The following NKIRAS2 variants were observed in gnomAD, a reference collection of about 807,000 sequenced individuals.
The protein encoded by NKIRAS2 is NF-kappa-B inhibitor-interacting Ras-like protein 2.
A neutral mutation model predicts 20.7 loss-of-function variants in NKIRAS2; 15 were observed. The observed-to-expected ratio is 0.73, with a 90% CI of 0.49 to 1.12. The LOEUF is 1.12. Ranked by LOEUF, NKIRAS2 falls within the 50% of genes most tolerant of loss-of-function variation. The pLI is 0.00. For missense variants in NKIRAS2, 196 were observed against 249.6 expected, an observed-to-expected ratio of 0.79 and a Z score of 1.45; for synonymous variants, 116 against 101.4, an observed-to-expected ratio of 1.14 and a Z score of -0.87.
chr17:42,017,660 G>A (rs1415978092), upstream of NKIRAS2: 7 of 586,870 alleles, frequency 1.2e-5, no homozygotes, highest in South Asian at 2.0e-5. Flanking sequence ...CCGTGGGTGG[G>A]AAGGCGGGGT....
intron 3 of NKIRAS2, chr17:42,022,938 C>G (rs1290966152): frequency 5.8e-6 from 2 of 347,618 alleles, no homozygotes; most frequent in South Asian, 7.2e-5. Flanking sequence ...TGTATGAAGT[C>G]CCCACATAGT....
upstream of NKIRAS2, chr17:42,017,651 C>T (rs975515854): frequency 3.1e-5 from 18 of 581,096 alleles, no homozygotes; most frequent in Non-Finnish European, 5.5e-5. Context: ...CCACTTTACC[C>T]GTGGGTGGGA....
chr17:42,020,733 G>A (rs1385173458), intron 1 of NKIRAS2: 2 of 152,188 alleles, frequency 1.3e-5, no homozygotes, highest in Non-Finnish European at 2.9e-5. Context: ...AGTCGTACAG[G>A]AAAGCAGATT....
intron 1 of NKIRAS2, 111 bp from the exon 2 acceptor site, chr17:42,021,453 T>G: frequency 1.2e-6 from 1 of 817,316 alleles, no homozygotes; most frequent in Admixed American, 1.9e-5. Flanking sequence ...ACGTTCTGCC[T>G]TCTGTTTTTT....
chr17:42,023,506 C>G, intron 3 of NKIRAS2, 148 bp from the exon 4 acceptor site: 1 of 736,132 alleles, frequency 1.4e-6, no homozygotes, highest in Non-Finnish European at 2.2e-6. Flanking sequence ...TCTCCTTCCC[C>G]ACAATGAGTG....
chr17:42,018,262 GAC>G (rs1410731132), upstream of NKIRAS2, among the ~76,000 whole-genome samples: 14 of 152,106 alleles, frequency 9.2e-5, no homozygotes, highest in African/African-American at 3.4e-4. Flanking sequence ...ATTCATAGGG[GAC>G]AAGGGCACAG....
At chr17:42,018,395 G>C (rs1041118858), upstream of NKIRAS2, 1 of 152,182 alleles carries the variant, frequency 6.6e-6, no homozygotes, top group African/African-American at 2.4e-5. Context: ...GTAAAGCTAA[G>C]AGTAAAATAA....
chr17:42,021,979 G>A (rs782692105), intron 2 of NKIRAS2: 30 of 588,282 alleles, frequency 5.1e-5, no homozygotes, highest in Non-Finnish European at 8.2e-5. Context: ...GGAGGCTGAG[G>A]CGGGTGGATC....
In NKIRAS2 at chr17:42,023,620, A is replaced by G. The variant is rs537740388; in HGVS notation, c.337-34A>G. 7 of 1,598,536 alleles carry G rather than the reference A, an allele frequency of 4.4e-6. No individual in the cohort carries two copies. The South Asian group carries it at 7.8e-5, about 18-fold the overall frequency. On this transcript the variant is annotated intron_variant, in intron 3 of 3. Transcript: ENST00000393885. ...ATGTCCATTCCTGGTTCTATGGTAC[A>G]TTCACAGGCCTATGCTCTGTCCCTC...
In NKIRAS2 at chr17:42,023,673, G is replaced by A; in HGVS notation, c.356G>A (p.Gly119Asp). Reference sequence around the variant, plus strand: ...CCCCAGGTCACCATCGTGGTCCTTGGCAACAAGTGTGACTTACAGGAGCAG... The same window carrying A: ...CCCCAGGTCACCATCGTGGTCCTTGACAACAAGTGTGACTTACAGGAGCAG... ...DKKEVTIVVL[G>D]NKCDLQEQRR... The change falls in exon 4 of 4, where the codon GGC (glycine) becomes GAC (aspartate). Residue 119 changes from glycine (G) to aspartate (D), a missense_variant. Physicochemically the swap from Gly to Asp is moderately conservative, Grantham distance 94. Coordinates refer to ENST00000393885, the MANE Select transcript of NKIRAS2 (RefSeq NM_017595.6). The A allele has an allele frequency of 1.2e-6, 2 of 1,614,174 alleles. No individual in the cohort carries two copies. The highest frequency in any genetic ancestry group is 1.7e-6 in the Non-Finnish European group (2 of 1,180,026).
rs1555653631 is a variant in NKIRAS2, at chr17:42,023,849, C to T, written c.532C>T (p.Pro178Ser). The part of the protein sequence containing the change: ...MTQPQSKSAF[P>S]LSRKNKGSGS... ...GCAACCCCAGAGCAAGTCTGCCTTC[C>T]CCCTCAGCCGGAAGAACAAGGGCAG... Residue 178 changes from proline to serine, a missense_variant, in exon 4 of 4, where the codon CCC becomes TCC. Transcript: ENST00000393885. 1 of 1,614,206 alleles carries T rather than the reference C, an allele frequency of 6.2e-7. No homozygotes were observed. Among genetic ancestry groups the T allele is most frequent in the South Asian group, 1.1e-5 (1 of 91,088 alleles).
Position 42,021,588 on chromosome 17 carries a change from G to C in NKIRAS2, c.11G>C (p.Ser4Thr), listed in dbSNP as rs1430792207. 1 of 1,614,052 alleles carries C rather than the reference G, an allele frequency of 6.2e-7. No homozygotes were observed. The highest frequency in any genetic ancestry group is 8.5e-7 in the Non-Finnish European group (1 of 1,180,032). The change falls in exon 2 of 4, where the codon AGC becomes ACC. Residue 4 changes from serine (S) to threonine (T), a missense_variant. Physicochemically the swap from Ser to Thr is moderately conservative, Grantham distance 58. Transcript: ENST00000393885. ...GGTTGAAAACTAAGCATGGGGAAGA[G>C]CTGCAAGGTGGTCGTGTGTGGCCAG... Reference protein sequence around the residue: MGKSCKVVVCGQAS... With the variant: MGKTCKVVVCGQAS...
chr17:42,018,725 C>T (rs2052372559), upstream of NKIRAS2, among the ~76,000 whole-genome samples: 1 of 152,198 alleles, frequency 6.6e-6, no homozygotes, highest in South Asian at 2.1e-4. Flanking sequence ...ACTTTATGTT[C>T]TATCTAAGGC....
intron 2 of NKIRAS2, chr17:42,022,004 G>A: frequency 1.8e-6 from 1 of 558,494 alleles, no homozygotes; most frequent in East Asian, 4.4e-5. Flanking sequence ...CAGGTCGGGA[G>A]TTCGAGACCA....
chr17:42,023,913 C>G lies in NKIRAS2; in HGVS notation c.*20C>G, dbSNP rs2143454927. 6.2e-7 allele frequency: 1 copy of G among 1,611,976 alleles called. No individual in the cohort carries two copies. The highest frequency in any genetic ancestry group is 1.3e-5 in the African/African-American group (1 of 75,026). The stretch of plus-strand genomic sequence containing the variant: ...GGCTGAAGAGCTGCCGTTCCTCTTT[C>G]ACGATCCCAGCCCCATTTCAGTGTC... On this transcript the variant is annotated 3_prime_UTR_variant, in exon 4 of 4. Transcript: ENST00000393885.
upstream of NKIRAS2, among the ~76,000 whole-genome samples, chr17:42,019,095 G>C (rs375294024): frequency 1.4e-4 from 22 of 152,074 alleles, no homozygotes; most frequent in African/African-American, 5.3e-4. Flanking sequence ...TCCCGATTCA[G>C]GCGCTCATCA....
chr17:42,023,461 G>A (rs1289240677), intron 3 of NKIRAS2, among the ~76,000 whole-genome samples, 193 bp from the exon 4 acceptor site: 2 of 152,186 alleles, frequency 1.3e-5, no homozygotes, highest in Middle Eastern at 3.2e-3. Flanking sequence ...ATGGAGGCCA[G>A]AATTTGAACA....
At chr17:42,021,456 T>G (rs1163045292) in intron 1 of NKIRAS2, 108 bp from the exon 2 acceptor site, 15 of 843,546 alleles carry the variant, frequency 1.8e-5, no homozygotes, top group Non-Finnish European at 3.0e-5. Context: ...TTCTGCCTTC[T>G]GTTTTTTTGG....
chr17:42,019,722 C>T (rs2052394553), upstream of NKIRAS2, among the ~76,000 whole-genome samples: 1 of 152,208 alleles, frequency 6.6e-6, no homozygotes, highest in African/African-American at 2.4e-5. Context: ...TTCTCTAGAC[C>T]GTGAGTTCTG....
Sources: allele counts gnomAD v4.1 joint callset (sites outside exome capture counted in the v4.1 genomes callset), GRCh38; gene constraint gnomAD v4.1.1; transcripts MANE v1.5; gene names NCBI Gene and HGNC (gene_info 2026-07-23, HGNC 2026-07-21).